The following CTNNA3 variants were observed in gnomAD, a reference collection of about 807,000 sequenced individuals.
CTNNA3 encodes catenin alpha 3.
CTNNA3 carries 76 observed loss-of-function variants against 95.7 expected under a neutral mutation model. The observed-to-expected ratio is 0.79, with a 90% CI of 0.66 to 0.96. The LOEUF is 0.96. CTNNA3 is among the 40% of genes least tolerant of loss of function. CTNNA3 has a pLI of 0.00. For synonymous variants in CTNNA3, 431 were observed against 374.4 expected (o/e 1.15, Z -1.74); for missense variants, 1,191 against 1,089.8 (o/e 1.09, Z -1.31).
At chr10:66,995,538 C>T (rs1002646441) in intron 7 of CTNNA3, among the ~76,000 whole-genome samples, 4 of 152,174 alleles carry the variant, frequency 2.6e-5, no homozygotes, top group African/African-American at 4.8e-5. Flanking sequence ...CTGTTTAATA[C>T]CTTTCAAAGG....
intron 1 of CTNNA3, among the ~76,000 whole-genome samples, chr10:67,686,357 G>C (rs1485806659): frequency 6.6e-6 from 1 of 152,158 alleles, no homozygotes; most frequent in African/African-American, 2.4e-5. Flanking sequence ...TATAGGTTAA[G>C]GTCAGGATTA....
rs150826203 is a variant in CTNNA3 at position 66,426,404 on chromosome 10, G to A, written c.1532-47052C>T. Among the ~76,000 whole-genome samples, 229 of 152,116 alleles carry A rather than the reference G, an allele frequency of 1.5e-3. 3 individuals carry two copies. The South Asian group carries it at 0.027, about 18-fold the overall frequency. Reference sequence around the variant, plus strand: ...ACACTTTCAAAAGCTATTGATTACCGTGCTTTCTTTTTTAATTTACTCTTC... The same window carrying A: ...ACACTTTCAAAAGCTATTGATTACCATGCTTTCTTTTTTAATTTACTCTTC... On this transcript the variant is annotated intron_variant, in intron 11 of 17. Transcript: ENST00000433211.
chr10:66,820,972 T>A (rs1842286870), intron 7 of CTNNA3, among the ~76,000 whole-genome samples: 1 of 152,106 alleles, frequency 6.6e-6, no homozygotes, highest in Admixed American at 6.6e-5. Context: ...CTCAGTTCCA[T>A]CATCATTAAC....
At chr10:67,425,096 A>G (rs1482584085) in intron 5 of CTNNA3, among the ~76,000 whole-genome samples, 1 of 152,168 alleles carries the variant, frequency 6.6e-6, no homozygotes, top group Non-Finnish European at 1.5e-5. Flanking sequence ...TACATGTAAT[A>G]AAAGTTACTT....
intron 6 of CTNNA3, among the ~76,000 whole-genome samples, chr10:67,202,268 A>G (rs1186868705): frequency 6.6e-6 from 1 of 151,188 alleles, no homozygotes; most frequent in Non-Finnish European, 1.5e-5. Context: ...TTATAGATCC[A>G]TGGCTAGATT....
intron 15 of CTNNA3, among the ~76,000 whole-genome samples, chr10:66,066,340 T>G (rs2080312796): frequency 2.6e-5 from 4 of 152,218 alleles, no homozygotes; most frequent in Admixed American, 2.6e-4. Flanking sequence ...CATGAAAGTT[T>G]AGTTTTGTTC....
rs571097647 is a variant in CTNNA3 at position 66,960,921 on chromosome 10, T to G, written c.1048-185397A>C. ...CCTAAAATGGGAATGGTTCTTAAGT[T>G]TTTTTGCTAAGGACTACTAGTTAAT... is the stretch of plus-strand genomic sequence containing the variant. On this transcript the variant is annotated intron_variant, in intron 7 of 17. Transcript: ENST00000433211. Among the ~76,000 whole-genome samples the G allele has an allele frequency of 3.9e-5, 6 of 152,254 alleles. No individual in the cohort carries two copies. The South Asian group carries it at 1.2e-3, about 32-fold the overall frequency.
chr10:67,521,749 A>G, intron 5 of CTNNA3, 93 bp downstream of exon 5: 1 of 1,469,240 alleles, frequency 6.8e-7, no homozygotes, highest in Non-Finnish European at 9.2e-7. Context: ...TTAGAAGATA[A>G]GTTTCCTCAG....
At chr10:65,973,086 T>C (rs543811288) in intron 16 of CTNNA3, among the ~76,000 whole-genome samples, 78 of 152,134 alleles carry the variant, frequency 5.1e-4, no homozygotes, top group Non-Finnish European at 5.6e-4. Context: ...TTTGACAAAG[T>C]TGACAAAAAT....
At chr10:66,467,221 G>A (rs949468718) in intron 11 of CTNNA3, among the ~76,000 whole-genome samples, 1 of 152,018 alleles carries the variant, frequency 6.6e-6, no homozygotes, top group Non-Finnish European at 1.5e-5. Flanking sequence ...CCCTCCGGTG[G>A]TGACTGGGCC....
At chr10:66,568,726 G>A (rs1911294) in intron 10 of CTNNA3, among the ~76,000 whole-genome samples, 55,364 of 151,268 alleles carry the variant, frequency 0.37, 10,763 homozygotes, top group Admixed American at 0.43. Context: ...TGCAACTCTG[G>A]TATCTTCTTT....
intron 12 of CTNNA3, among the ~76,000 whole-genome samples, chr10:66,312,226 C>A (rs527818516): frequency 6.6e-6 from 1 of 152,190 alleles, no homozygotes; most frequent in Admixed American, 6.5e-5. Context: ...TGTGGCTGGT[C>A]TCCTTACCCA....
chr10:66,323,798 C>T (rs981557532), intron 12 of CTNNA3, among the ~76,000 whole-genome samples: 21 of 151,990 alleles, frequency 1.4e-4, no homozygotes, highest in African/African-American at 4.8e-4. Flanking sequence ...ATGTCCCTAT[C>T]CTGTATCCCA....
At chr10:67,172,524 T>TAC (rs770624945) in intron 7 of CTNNA3, among the ~76,000 whole-genome samples, 18 of 152,134 alleles carry the variant, frequency 1.2e-4, no homozygotes, top group Non-Finnish European at 2.1e-4. Flanking sequence ...ATTATATATA[T>TAC]ACATATGTAT....
intron 4 of CTNNA3, among the ~76,000 whole-genome samples, chr10:67,529,008 T>G (rs1223546404): frequency 6.6e-6 from 1 of 152,130 alleles, no homozygotes; most frequent in Non-Finnish European, 1.5e-5. Context: ...ATTGCTAGAG[T>G]AAATTTTAAG....
At chr10:67,513,085 A>C (rs1839692106) in intron 5 of CTNNA3, among the ~76,000 whole-genome samples, 1 of 152,206 alleles carries the variant, frequency 6.6e-6, no homozygotes, top group African/African-American at 2.4e-5. Context: ...GTATATTCGC[A>C]TGTATAGATA....
At chr10:66,583,862 G>GTTT (rs928967412) in intron 10 of CTNNA3, among the ~76,000 whole-genome samples, 1 of 151,648 alleles carries the variant, frequency 6.6e-6, no homozygotes, top group African/African-American at 2.4e-5. Context: ...TATCCCAGAG[G>GTTT]TTTTGATAAC....
At chr10:66,033,855 C>T (rs1007522993) in intron 15 of CTNNA3, among the ~76,000 whole-genome samples, 21 of 152,172 alleles carry the variant, frequency 1.4e-4, no homozygotes, top group Non-Finnish European at 2.1e-4. Flanking sequence ...ATAATGTCTT[C>T]GCTCCTACTT....
intron 13 of CTNNA3, among the ~76,000 whole-genome samples, chr10:66,243,200 G>A (rs113253218): frequency 3.9e-5 from 6 of 152,286 alleles, no homozygotes; most frequent in African/African-American, 1.2e-4. Flanking sequence ...ACCAGGCCCT[G>A]TAAGAAATTG....
Sources: gnomAD v4.1 joint callset for allele counts (sites outside exome capture counted in the v4.1 genomes callset) on GRCh38, gnomAD v4.1.1 for gene constraint, MANE v1.5 for transcripts, NCBI Gene and HGNC (gene_info 2026-07-23, HGNC 2026-07-21) for gene names.